The following PPFIBP2 variants were observed in gnomAD, a reference collection of about 807,000 sequenced individuals.
The protein encoded by PPFIBP2 is liprin-beta-2.
PPFIBP2 carries 118 observed loss-of-function variants against 118.3 expected under a neutral mutation model. That is an observed-to-expected ratio of 1.00 (90% CI 0.86 to 1.16). The LOEUF (loss-of-function observed/expected upper bound fraction) is 1.16, where lower values mean the gene tolerates loss of function less well. Ranked by LOEUF, PPFIBP2 falls within the 50% of genes most tolerant of loss-of-function variation. PPFIBP2 has a pLI of 0.00. For missense variants in PPFIBP2, 1,195 were observed against 1,073.1 expected (o/e 1.11, Z -1.59); for synonymous variants, 414 against 397.4 (o/e 1.04, Z -0.50).
chr11:7,546,737 G>T lies in PPFIBP2; in HGVS notation c.-36-2703G>T, dbSNP rs1016062839. Among the ~76,000 whole-genome samples the T allele has an allele frequency of 2.0e-5, 3 of 152,320 alleles. No homozygotes were observed. The East Asian group carries it at 5.8e-4, about 29-fold the overall frequency. On this transcript the variant is annotated intron_variant, in intron 1 of 23. Transcript: ENST00000299492. The stretch of plus-strand genomic sequence containing the variant: ...TGCCAACTACATCCTGCCCTTACAT[G>T]CTTCCCTGGCTTTCCTGTGCACCAC...
intron 5 of PPFIBP2, among the ~76,000 whole-genome samples, chr11:7,605,168 A>G (rs535560642): frequency 1.2e-4 from 19 of 152,328 alleles, no homozygotes; most frequent in Admixed American, 1.2e-3. Context: ...GGCAATGTAC[A>G]ATTGTCGCAG....
intron 1 of PPFIBP2, among the ~76,000 whole-genome samples, chr11:7,532,685 G>T (rs776723172): frequency 6.6e-6 from 1 of 152,202 alleles, no homozygotes; most frequent in Non-Finnish European, 1.5e-5. Flanking sequence ...CCAGGCCTTC[G>T]GGGGAAGCCT....
chr11:7,558,411 A>T (rs1484950583), intron 2 of PPFIBP2, among the ~76,000 whole-genome samples: 1 of 152,202 alleles, frequency 6.6e-6, no homozygotes, highest in Admixed American at 6.5e-5. Context: ...AAATATCTGA[A>T]CAACCCCAGT....
chr11:7,625,216 T>A (rs182087510), intron 7 of PPFIBP2, among the ~76,000 whole-genome samples: 1 of 152,108 alleles, frequency 6.6e-6, no homozygotes, highest in East Asian at 1.9e-4. Flanking sequence ...TGCCTGGAGG[T>A]TGGGCAGAGG....
At chr11:7,536,739 A>G (rs917313518) in intron 1 of PPFIBP2, among the ~76,000 whole-genome samples, 9 of 152,098 alleles carry the variant, frequency 5.9e-5, no homozygotes, top group Non-Finnish European at 1.3e-4. Context: ...AAGAAGAGAC[A>G]TGTGAACCTG....
At chr11:7,603,326 GA>G (rs1246246151) in intron 5 of PPFIBP2, among the ~76,000 whole-genome samples, 41 of 152,334 alleles carry the variant, frequency 2.7e-4, no homozygotes, top group African/African-American at 8.7e-4. Context: ...TTACAGATAA[GA>G]GTGAGGTTCA....
At chr11:7,605,358 G>A (rs1847211101) in intron 5 of PPFIBP2, among the ~76,000 whole-genome samples, 1 of 152,226 alleles carries the variant, frequency 6.6e-6, no homozygotes. Flanking sequence ...ACATGGTAGG[G>A]GTTTAGGGCT....
chr11:7,666,247 G>C, the PPFIBP2 span: 13 of 594,506 alleles, frequency 2.2e-5, no homozygotes, highest in African/African-American at 2.2e-4. Context: ...TTAGACACCT[G>C]CTCTCGATTG....
rs77850797 is a variant in PPFIBP2 at position 7,642,452 on chromosome 11, A to C, written c.1646+26A>C. 0.017 allele frequency: 27,265 copies of C among 1,598,930 alleles called. 1,771 individuals are homozygous for C. In the African/African-American group the frequency reaches 0.2, roughly 12 times the overall value. ...GTAAGGCTTGACCCACTTTCCTTTG[A>C]TCTCCCTGCTCTGAAAAAGAAGTAT... On this transcript the variant is annotated intron_variant, in intron 17 of 23. Transcript: ENST00000299492.
intron 7 of PPFIBP2, among the ~76,000 whole-genome samples, chr11:7,622,248 C>G (rs891913818): frequency 6.6e-6 from 1 of 152,154 alleles, no homozygotes; most frequent in African/African-American, 2.4e-5. Context: ...TTTAAACCAC[C>G]AGATCTCGTG....
intron 6 of PPFIBP2, chr11:7,617,352 A>T (rs1848781249): frequency 6.2e-6 from 6 of 967,576 alleles, no homozygotes; most frequent in African/African-American, 5.3e-5. Flanking sequence ...TCACTGGTGG[A>T]GGGGCTGGGG....
At chr11:7,653,817 T>C (rs1854424636), downstream of PPFIBP2, 1 of 1,190,920 alleles carries the variant, frequency 8.4e-7, no homozygotes, top group African/African-American at 1.6e-5. Context: ...TAGCTGGAAA[T>C]GGAGTCCTAC....
intron 2 of PPFIBP2, among the ~76,000 whole-genome samples, chr11:7,565,342 T>G (rs1854840584): frequency 6.6e-6 from 1 of 152,214 alleles, no homozygotes; most frequent in African/African-American, 2.4e-5. Context: ...CCAGATATTG[T>G]GCACTACAGC....
intron 14 of PPFIBP2, among the ~76,000 whole-genome samples, chr11:7,638,388 C>T (rs1488812969): frequency 6.6e-6 from 1 of 152,218 alleles, no homozygotes; most frequent in Non-Finnish European, 1.5e-5. Flanking sequence ...ACTTCTACTC[C>T]ACCAGCCAGT....
intron 1 of PPFIBP2, among the ~76,000 whole-genome samples, chr11:7,515,122 G>C (rs59138530): frequency 0.059 from 8,989 of 152,242 alleles, 378 homozygotes; most frequent in Admixed American, 0.13. Context: ...ATGGAAAGCT[G>C]TAAGTGTTAT....
At chr11:7,571,937 T>C (rs1352170804) in intron 3 of PPFIBP2, 2 of 152,234 alleles carry the variant, frequency 1.3e-5, no homozygotes, top group Non-Finnish European at 2.9e-5. Context: ...GCTTTTAATT[T>C]TTCTTTTTCA....
At chr11:7,525,445 T>C (rs1850140990) in intron 1 of PPFIBP2, among the ~76,000 whole-genome samples, 1 of 152,192 alleles carries the variant, frequency 6.6e-6, no homozygotes, top group African/African-American at 2.4e-5. Context: ...ATTTAGATCA[T>C]CCAGAGGGCT....
At chr11:7,516,630 A>C (rs1291110207) in intron 1 of PPFIBP2, among the ~76,000 whole-genome samples, 1 of 152,140 alleles carries the variant, frequency 6.6e-6, no homozygotes, top group Non-Finnish European at 1.5e-5. Context: ...GTCAGCACCA[A>C]GTGAGGACGA....
rs376425041 is a variant in PPFIBP2 at position 7,635,514 on chromosome 11, T to C, written c.1195-38T>C. 10 of 1,582,804 alleles carry C rather than the reference T, an allele frequency of 6.3e-6. No individual in the cohort carries two copies. In the African/African-American group the frequency reaches 9.4e-5, roughly 15 times the overall value. ...TGTTTGTGAATAACACAAGTCTCTTTTTCTCCACATAAACGAAATCCTCAT... is the reference window on the plus strand; with the variant it reads ...TGTTTGTGAATAACACAAGTCTCTTCTTCTCCACATAAACGAAATCCTCAT... On this transcript the variant is annotated intron_variant, in intron 13 of 23. Transcript: ENST00000299492.
Sources: gnomAD v4.1 joint callset for allele counts (sites outside exome capture counted in the v4.1 genomes callset) on GRCh38, gnomAD v4.1.1 for gene constraint, MANE v1.5 for transcripts, NCBI Gene and HGNC (gene_info 2026-07-23, HGNC 2026-07-21) for gene names.